The following FBXL20 variants were observed in gnomAD, a reference collection of about 807,000 sequenced individuals.
FBXL20 encodes F-box and leucine rich repeat protein 20, also known as F-box/LRR-repeat protein 20.
A neutral mutation model predicts 64.0 loss-of-function variants in FBXL20; 11 were observed. The observed-to-expected ratio is 0.17, with a 90% CI of 0.11 to 0.28. The LOEUF is 0.28. Among genes scored for constraint, FBXL20 ranks in the 10% least tolerant of loss-of-function variants. The pLI, the probability that FBXL20 is intolerant of heterozygous loss-of-function variation, is 1.00. For synonymous variants in FBXL20, 184 were observed against 189.0 expected, an observed-to-expected ratio of 0.97 and a Z score of 0.22; for missense variants, 303 against 526.2, an observed-to-expected ratio of 0.58 and a Z score of 4.15.
chr17:39,351,989 T>C (rs997681088), intron 1 of FBXL20, among the ~76,000 whole-genome samples: 1 of 152,256 alleles, frequency 6.6e-6, no homozygotes, highest in African/African-American at 2.4e-5. Context: ...TGTACCAATG[T>C]AGAATTATAT....
intron 1 of FBXL20, among the ~76,000 whole-genome samples, chr17:39,345,550 A>ATT (rs11408782): frequency 0.18 from 27,674 of 150,400 alleles, 2,730 homozygotes; most frequent in Admixed American, 0.24. Context: ...AATTTTAATA[A>ATT]TTTTTTTTTT....
At chr17:39,340,988 A>G (rs903802242) in intron 2 of FBXL20, among the ~76,000 whole-genome samples, 1 of 151,632 alleles carries the variant, frequency 6.6e-6, no homozygotes, top group African/African-American at 2.4e-5. Flanking sequence ...TTGTTTAAAC[A>G]AAGTTTTGCT....
intron 2 of FBXL20, among the ~76,000 whole-genome samples, chr17:39,321,464 CA>C (rs71147318): frequency 4.1e-3 from 366 of 88,212 alleles, no homozygotes; most frequent in Middle Eastern, 0.016. Flanking sequence ...GAATCTGTCT[CA>C]AAAAAAAAAA....
At chr17:39,328,810 T>C (rs2047433901) in intron 2 of FBXL20, among the ~76,000 whole-genome samples, 1 of 152,178 alleles carries the variant, frequency 6.6e-6, no homozygotes, top group East Asian at 1.9e-4. Context: ...TCCAGTGATT[T>C]TGGAGGCCCA....
Position 39,270,859 on chromosome 17 carries a change from GT to G in FBXL20, c.828-4del, listed in dbSNP as rs1238419546. On this transcript the variant is annotated splice_polypyrimidine_tract_variant and splice_region_variant and intron_variant, in intron 10 of 14. Coordinates refer to ENST00000264658, the MANE Select transcript of FBXL20 (RefSeq NM_032875.3). Reference sequence around the variant, plus strand: ...AACATCTTGCCACTTCCAATATTCTGTTAAAAAAAAAAAAAAAACAGTGAAA... The same window carrying G: ...AACATCTTGCCACTTCCAATATTCTGTAAAAAAAAAAAAAAAACAGTGAAA... The G allele has an allele frequency of 2.3e-6, 3 of 1,322,082 alleles. No individual in the cohort carries two copies. Among genetic ancestry groups the G allele is most frequent in the Non-Finnish European group, 3.0e-6 (3 of 984,834 alleles). 81.9% of individuals were successfully genotyped at this position (1,322,082 alleles called of 1,614,324 possible). A position where few individuals can be genotyped will look rare whatever the true frequency, so the allele number is the denominator to read the frequency against.
intron 1 of FBXL20, among the ~76,000 whole-genome samples, chr17:39,384,017 T>G (rs1348458563): frequency 6.6e-6 from 1 of 151,956 alleles, no homozygotes; most frequent in African/African-American, 2.4e-5. Flanking sequence ...GAGGACTGCT[T>G]GAGCTCAGGA....
chr17:39,337,480 C>T (rs1195452763), intron 2 of FBXL20, among the ~76,000 whole-genome samples: 1 of 152,014 alleles, frequency 6.6e-6, no homozygotes, highest in Non-Finnish European at 1.5e-5. Flanking sequence ...CTCTGCCTGG[C>T]TGCCCAGTCT....
intron 1 of FBXL20, among the ~76,000 whole-genome samples, chr17:39,380,485 A>G (rs942860648): frequency 6.6e-6 from 1 of 152,162 alleles, no homozygotes; most frequent in African/African-American, 2.4e-5. Flanking sequence ...GGCTATAATG[A>G]TCTTTCCTCT....
intron 11 of FBXL20, among the ~76,000 whole-genome samples, chr17:39,269,639 C>T (rs899842604): frequency 2.6e-5 from 4 of 152,006 alleles, no homozygotes; most frequent in African/African-American, 9.7e-5. Flanking sequence ...GCTGGGATTA[C>T]AGGCATGCGC....
intron 2 of FBXL20, among the ~76,000 whole-genome samples, chr17:39,310,308 G>A (rs767776621): frequency 5.3e-5 from 8 of 152,004 alleles, no homozygotes; most frequent in Non-Finnish European, 7.4e-5. Flanking sequence ...TTTCCATCAC[G>A]TTTCATACTA....
intron 1 of FBXL20, among the ~76,000 whole-genome samples, chr17:39,355,228 G>A (rs1001748316): frequency 4.6e-5 from 7 of 151,752 alleles, no homozygotes; most frequent in African/African-American, 1.5e-4. Flanking sequence ...CACCACGCCC[G>A]GCCTAAAATT....
At chr17:39,391,555 C>A (rs1304240479) in intron 1 of FBXL20, among the ~76,000 whole-genome samples, 2 of 151,740 alleles carry the variant, frequency 1.3e-5, no homozygotes, top group Non-Finnish European at 2.9e-5. Flanking sequence ...CAAAAAAAAA[C>A]ACAAATTTAT....
At chr17:39,313,063 C>T (rs1035185008) in intron 2 of FBXL20, among the ~76,000 whole-genome samples, 13 of 150,808 alleles carry the variant, frequency 8.6e-5, no homozygotes, top group African/African-American at 2.7e-4. Context: ...GAATTACCGG[C>T]GCGCACCATC....
intron 10 of FBXL20, among the ~76,000 whole-genome samples, chr17:39,274,507 G>C (rs976690216): frequency 1.3e-4 from 20 of 152,150 alleles, no homozygotes; most frequent in African/African-American, 4.6e-4. Flanking sequence ...AAACTGAGGA[G>C]CCAGAGAGAA....
intron 1 of FBXL20, among the ~76,000 whole-genome samples, chr17:39,343,792 T>C (rs1213823301): frequency 1.3e-5 from 2 of 151,250 alleles, no homozygotes; most frequent in Non-Finnish European, 2.9e-5. Flanking sequence ...ACTTCCCAGG[T>C]TCAAGCGATT....
intron 2 of FBXL20, among the ~76,000 whole-genome samples, chr17:39,306,008 AAAAC>A: frequency 6.6e-6 from 1 of 151,890 alleles, no homozygotes; most frequent in East Asian, 1.9e-4. Flanking sequence ...CAAACAAAAA[AAAAC>A]AAAGTAGCCA....
At chr17:39,304,145 A>G (rs1299608058) in intron 2 of FBXL20, among the ~76,000 whole-genome samples, 1 of 152,208 alleles carries the variant, frequency 6.6e-6, no homozygotes, top group Non-Finnish European at 1.5e-5. Context: ...GTTTTACTTG[A>G]TAATGTACAT....
chr17:39,261,334 A>C lies in FBXL20; in HGVS notation c.*126T>G. 1 of 778,814 alleles carries C rather than the reference A, an allele frequency of 1.3e-6. No individual in the cohort carries two copies. The highest frequency in any genetic ancestry group is 2.3e-6 in the Non-Finnish European group (1 of 437,114). 48.2% of individuals were successfully genotyped at this position (778,814 alleles called of 1,614,324 possible). On this transcript the variant is annotated 3_prime_UTR_variant, in exon 15 of 15. Coordinates refer to ENST00000264658, the MANE Select transcript of FBXL20 (RefSeq NM_032875.3). ...TGTATGTGTGGCTCTGGGGATCTGG[A>C]CACTGCCCTCCCTCACTTTGTAACC...
chr17:39,358,417 T>G (rs12935933), intron 1 of FBXL20, among the ~76,000 whole-genome samples: 41,639 of 152,182 alleles, frequency 0.27, 6,572 homozygotes, highest in South Asian at 0.38. Context: ...GAGCAGTGGC[T>G]CATGCCTGTA....
Sources: gnomAD v4.1 joint callset for allele counts (sites outside exome capture counted in the v4.1 genomes callset) on GRCh38, gnomAD v4.1.1 for gene constraint, MANE v1.5 for transcripts, NCBI Gene and HGNC (gene_info 2026-07-23, HGNC 2026-07-21) for gene names.